Variants in ZFAND2A observed in about 807,000 individuals in gnomAD.
The protein encoded by ZFAND2A is AN1-type zinc finger protein 2A.
ZFAND2A carries 20 observed loss-of-function variants against 11.6 expected under a neutral mutation model. That is an observed-to-expected ratio of 1.72 (90% CI 1.21 to 2.50). The LOEUF (loss-of-function observed/expected upper bound fraction) is 2.50, where lower values mean the gene tolerates loss of function less well. Among genes scored for constraint, ZFAND2A ranks in the 30% most tolerant of loss-of-function variants. The pLI, the probability that ZFAND2A is intolerant of heterozygous loss-of-function variation, is 0.00. For missense variants in ZFAND2A, 234 were observed against 182.9 expected, an observed-to-expected ratio of 1.28 and a Z score of -1.61; for synonymous variants, 93 against 60.6, an observed-to-expected ratio of 1.54 and a Z score of -2.48.
Position 1,155,458 on chromosome 7 carries a change from C to G in ZFAND2A, c.277G>C (p.Glu93Gln). 6.2e-7 allele frequency: 1 copy of G among 1,613,542 alleles called. No homozygotes were observed. The highest frequency in any genetic ancestry group is 8.5e-7 in the Non-Finnish European group (1 of 1,179,736). Reference sequence around the variant, plus strand: ...GAGGCGGGCTCTGTCCTTACCTTCTCTTTCTTCTTCCCAGGGTGAGAGTCA... The same window carrying G: ...GAGGCGGGCTCTGTCCTTACCTTCTGTTTCTTCTTCCCAGGGTGAGAGTCA... ...DCDSHPGKKK[E>Q]KIFTYRCSKE... is the part of the protein sequence containing the mutation. The change falls in exon 4 of 5, where the codon GAG (glutamate) becomes CAG (glutamine). Residue 93 changes from glutamate to glutamine, a missense_variant. Glu to Gln is a conservative substitution (Grantham distance 29). Transcript: ENST00000316495.
chr7:1,156,602 G>T (rs979094437), intron 3 of ZFAND2A, among the ~76,000 whole-genome samples: 1 of 151,862 alleles, frequency 6.6e-6, no homozygotes, highest in Non-Finnish European at 1.5e-5. Context: ...GGGGTGGACC[G>T]CCCAGCAGCT....
At position 1,155,453 on chromosome 7, in the gene ZFAND2A, C is replaced by CT. The variant is rs779142901; in HGVS notation, c.281dup (p.Ile95AspfsTer65). The CT allele has an allele frequency of 1.4e-5, 22 of 1,613,164 alleles. No homozygotes were observed. In the South Asian group the frequency reaches 2.3e-4, roughly 17 times the overall value. On this transcript the variant is annotated frameshift_variant and splice_region_variant, in exon 4 of 5. Coordinates refer to ENST00000316495, the MANE Select transcript of ZFAND2A (RefSeq NM_182491.4). LOFTEE classifies it low-confidence loss of function (END_TRUNC). ...GAACTGAGGCGGGCTCTGTCCTTAC[C>CT]TTCTCTTTCTTCTTCCCAGGGTGAG... is the stretch of plus-strand genomic sequence containing the variant.
intron 4 of ZFAND2A, among the ~76,000 whole-genome samples, chr7:1,154,417 G>C (rs1385930856): frequency 6.6e-6 from 1 of 152,198 alleles, no homozygotes; most frequent in African/African-American, 2.4e-5. Context: ...GGAGCACAGC[G>C]GGCCAGGAGC....
At chr7:1,158,627 G>A (rs1335712886) in intron 1 of ZFAND2A, among the ~76,000 whole-genome samples, 1 of 152,124 alleles carries the variant, frequency 6.6e-6, no homozygotes, top group African/African-American at 2.4e-5. Flanking sequence ...CTGTTACTAG[G>A]TGCTAAATCA....
intron 4 of ZFAND2A, 158 bp from the exon 5 acceptor site, chr7:1,153,382 TAC>T: frequency 6.8e-6 from 5 of 735,740 alleles, no homozygotes; most frequent in Non-Finnish European, 1.1e-5. Context: ...TACCTGGTAC[TAC>T]AGGCACACAC....
chr7:1,154,059 G>A (rs1472029475), intron 4 of ZFAND2A, among the ~76,000 whole-genome samples: 1 of 152,158 alleles, frequency 6.6e-6, no homozygotes, highest in African/African-American at 2.4e-5. Flanking sequence ...CAGGGAGCGG[G>A]AGGGAAGGAG....
intron 4 of ZFAND2A, 152 bp from the exon 5 acceptor site, chr7:1,153,376 T>A: frequency 6.4e-6 from 5 of 780,778 alleles, no homozygotes; most frequent in East Asian, 2.8e-5. Flanking sequence ...GCCTAGTACC[T>A]GGTACTACAG....
chr7:1,158,756 G>A (rs999206694), intron 1 of ZFAND2A, among the ~76,000 whole-genome samples: 1 of 152,216 alleles, frequency 6.6e-6, no homozygotes, highest in Non-Finnish European at 1.5e-5. Flanking sequence ...ACCTGGAGTT[G>A]ATCAGGGAGA....
downstream of ZFAND2A, among the ~76,000 whole-genome samples, chr7:1,151,175 A>G (rs1793390822): frequency 6.6e-6 from 1 of 152,176 alleles, no homozygotes; most frequent in Non-Finnish European, 1.5e-5. Context: ...AGCGTGAGCC[A>G]CTGCGCCTGG....
At chr7:1,158,109 T>A in intron 2 of ZFAND2A, 49 bp downstream of exon 2, 2 of 1,571,136 alleles carry the variant, frequency 1.3e-6, no homozygotes, top group Non-Finnish European at 1.8e-6. Flanking sequence ...ACAGCCAGCT[T>A]TCCCCCAACA....
chr7:1,150,460 C>T (rs573607807), downstream of ZFAND2A, among the ~76,000 whole-genome samples: 8 of 152,274 alleles, frequency 5.3e-5, no homozygotes, highest in East Asian at 9.6e-4. Context: ...CCTGACACCC[C>T]CTAAGTTCCC....
chr7:1,151,231 G>C (rs1793391610), downstream of ZFAND2A, among the ~76,000 whole-genome samples: 1 of 151,986 alleles, frequency 6.6e-6, no homozygotes, highest in Admixed American at 6.6e-5. Flanking sequence ...AGGGACAAGT[G>C]GTCCAGGAAG....
chr7:1,159,504 G>A (rs1244184846), intron 1 of ZFAND2A, among the ~76,000 whole-genome samples: 7 of 136,020 alleles, frequency 5.1e-5, no homozygotes, highest in African/African-American at 2.0e-4. Context: ...GGCAGGCCCG[G>A]TCCCCAGCAG....
intron 1 of ZFAND2A, 59 bp from the exon 2 acceptor site, chr7:1,158,316 T>C: frequency 1.9e-6 from 2 of 1,042,830 alleles, no homozygotes; most frequent in Middle Eastern, 2.1e-4. Flanking sequence ...TCACCAGGAT[T>C]TACAATGTAA....
At chr7:1,151,761 T>TAAAAAAAAAAAAA (rs76095900), downstream of ZFAND2A, among the ~76,000 whole-genome samples, 1 of 22,778 alleles carries the variant, frequency 4.4e-5, no homozygotes, top group Non-Finnish European at 9.5e-5. Flanking sequence ...TTCATCCCTT[T>TAAAAAAAAAAAAA]TAAAAAAAAA....
At chr7:1,158,837 C>T (rs894865702) in intron 1 of ZFAND2A, among the ~76,000 whole-genome samples, 2 of 152,108 alleles carry the variant, frequency 1.3e-5, no homozygotes, top group South Asian at 4.1e-4. Flanking sequence ...GAGAGAGAAT[C>T]AAGGGGCTCA....
downstream of ZFAND2A, among the ~76,000 whole-genome samples, chr7:1,149,601 C>T (rs889016786): frequency 2.4e-4 from 36 of 152,228 alleles, no homozygotes; most frequent in African/African-American, 6.0e-4. Context: ...ATTGCATTGT[C>T]GTGCAAGCAT....
At chr7:1,148,971 ATTTT>A (rs988721070), downstream of ZFAND2A, among the ~76,000 whole-genome samples, 1 of 149,246 alleles carries the variant, frequency 6.7e-6, no homozygotes, top group Non-Finnish European at 1.5e-5. Flanking sequence ...CTGGCTATTT[ATTTT>A]TTTTGAGAGA....
chr7:1,153,417 C>T (rs912062661), intron 4 of ZFAND2A, among the ~76,000 whole-genome samples, 193 bp from the exon 5 acceptor site: 15 of 152,068 alleles, frequency 9.9e-5, no homozygotes, highest in African/African-American at 3.6e-4. Context: ...CTAATTTTGT[C>T]TATTTTCACA....
Sources: allele counts gnomAD v4.1 joint callset (sites outside exome capture counted in the v4.1 genomes callset), GRCh38; gene constraint gnomAD v4.1.1; transcripts MANE v1.5; gene names NCBI Gene and HGNC (gene_info 2026-07-23, HGNC 2026-07-21).